The following R3HCC1 variants were observed in gnomAD, a reference collection of about 807,000 sequenced individuals.
R3HCC1 encodes the protein R3H and coiled-coil domain-containing protein 1.
In R3HCC1, 32 loss-of-function variants were observed where a neutral mutation model predicts 40.0. The ratio of observed to expected loss-of-function variants is 0.80; its 90% CI spans 0.60 to 1.07. The LOEUF (loss-of-function observed/expected upper bound fraction) is 1.07, where lower values mean the gene tolerates loss of function less well. Among genes scored for constraint, R3HCC1 ranks in the 50% least tolerant of loss-of-function variants. R3HCC1 has a pLI of 0.00. For synonymous variants in R3HCC1, 237 were observed against 232.8 expected (o/e 1.02, Z -0.17); for missense variants, 586 against 563.3 (o/e 1.04, Z -0.41).
At chr8:23,295,926 G>T in intron 7 of R3HCC1, 41 bp from the exon 8 acceptor site, 2 of 1,518,026 alleles carry the variant, frequency 1.3e-6, no homozygotes, top group South Asian at 2.5e-5. Context: ...AGGCAGCCAC[G>T]ACCTTGTGTT....
rs1308619654 is a variant in R3HCC1, at chr8:23,290,343, G to T, written c.726G>T (p.Leu242=). 6.4e-7 allele frequency: 1 copy of T among 1,551,676 alleles called. No homozygotes were observed. The highest frequency in any genetic ancestry group is 8.7e-7 in the Non-Finnish European group (1 of 1,147,022). Residue 242 remains leucine (L), a synonymous_variant, in exon 4 of 8, where the codon CTG becomes CTT. Transcript: ENST00000265806. ...TTGGGTCCACCCTGCAGCTAGACCT[G>T]GAAAAGGGGAAGGAGAGTCTGTTGG...
At chr8:23,290,581 G>T in intron 4 of R3HCC1, 112 bp downstream of exon 4, 1 of 1,265,462 alleles carries the variant, frequency 7.9e-7, no homozygotes, top group Non-Finnish European at 1.1e-6. Flanking sequence ...GCAAGGGGAG[G>T]TAGGGCTGGG....
At position 23,289,002 on chromosome 8, in the gene R3HCC1, C is replaced by T. The variant is rs576122989; in HGVS notation, c.111-14C>T. 7.4e-5 allele frequency: 113 copies of T among 1,536,266 alleles called. 1 individual carries two copies. The highest frequency in any genetic ancestry group is 4.2e-4 in the African/African-American group (31 of 73,148). The stretch of plus-strand genomic sequence containing the variant: ...CTGGACACCTGCTCAGCACTTCTTC[C>T]CCTCCCTCCCCAGGGTTCTTCTTTT... On this transcript the variant is annotated splice_polypyrimidine_tract_variant and intron_variant, in intron 2 of 7. Coordinates refer to ENST00000265806, the MANE Select transcript of R3HCC1 (RefSeq NM_001136108.3).
intron 4 of R3HCC1, 42 bp from the exon 5 acceptor site, chr8:23,291,319 G>A: frequency 6.5e-7 from 1 of 1,534,462 alleles, no homozygotes; most frequent in Non-Finnish European, 8.8e-7. Flanking sequence ...TGGGAGCTCT[G>A]CGTGTCCAAG....
chr8:23,288,446 G>A, intron 1 of R3HCC1, 60 bp from the exon 2 acceptor site: 1 of 1,522,896 alleles, frequency 6.6e-7, no homozygotes, highest in Non-Finnish European at 8.8e-7. Flanking sequence ...GGCGTTGCGG[G>A]GTCGCGGGAG....
At chr8:23,290,790 C>T (rs964167865) in intron 4 of R3HCC1, among the ~76,000 whole-genome samples, 5 of 152,146 alleles carry the variant, frequency 3.3e-5, no homozygotes, top group Non-Finnish European at 7.4e-5. Context: ...GCAAGTACAT[C>T]GTCTTGTGTT....
intron 5 of R3HCC1, among the ~76,000 whole-genome samples, chr8:23,291,988 T>A (rs1585333685): frequency 6.6e-6 from 1 of 152,220 alleles, no homozygotes; most frequent in East Asian, 1.9e-4. Context: ...GAGGCTGTAT[T>A]GAGAGACACG....
Position 23,290,394 on chromosome 8 carries a change from A to AG in R3HCC1, c.778dup (p.Glu260GlyfsTer21), listed in dbSNP as rs1484959682. On this transcript the variant is annotated frameshift_variant, in exon 4 of 8. Coordinates refer to ENST00000265806, the MANE Select transcript of R3HCC1 (RefSeq NM_001136108.3). LOFTEE classifies it high-confidence loss of function. ...AGAAGAGGCTGGTGGCAGAGGAGGA[A>AG]GAGGACGAAGAGGAGGTGGAAGAGG... 1 of 1,551,678 alleles carries AG rather than the reference A, an allele frequency of 6.4e-7. No homozygotes were observed. Among genetic ancestry groups the AG allele is most frequent in the South Asian group, 1.2e-5 (1 of 84,060 alleles).
chr8:23,289,304 C>T (rs1802808814), intron 3 of R3HCC1, among the ~76,000 whole-genome samples, 151 bp downstream of exon 3: 1 of 152,214 alleles, frequency 6.6e-6, no homozygotes, highest in African/African-American at 2.4e-5. Context: ...GCCAGGGCTG[C>T]CTTTTGCATC....
intron 5 of R3HCC1, 136 bp from the exon 6 acceptor site, chr8:23,293,167 G>C (rs539624786): frequency 1.5e-6 from 1 of 648,438 alleles, no homozygotes; most frequent in Non-Finnish European, 2.7e-6. Flanking sequence ...GATTGTCTCC[G>C]TCCCAGAAGA....
rs1802791836 is a variant in R3HCC1 at position 23,288,618 on chromosome 8, A to G, written c.95A>G (p.Gln32Arg). 1.3e-6 allele frequency: 2 copies of G among 1,536,030 alleles called. No individual in the cohort carries two copies. Among genetic ancestry groups the G allele is most frequent in the Non-Finnish European group, 1.7e-6 (2 of 1,146,860 alleles). ...GAGGAACTGGACCGCTTTCTGCTGC[A>G]GAAGCAGCTGTCAAAGTAGGCTCAT... The change falls in exon 2 of 8, where the codon CAG becomes CGG. Residue 32 changes from glutamine (Q) to arginine (R), a missense_variant. Coordinates refer to ENST00000265806, the MANE Select transcript of R3HCC1 (RefSeq NM_001136108.3).
Position 23,294,766 on chromosome 8 carries a change from C to T in R3HCC1, c.1097-3C>T, listed in dbSNP as rs749678900. Reference sequence around the variant, plus strand: ...TGGCTCCACGCCTGCTTTCTTTCCACAGCTGCGGAAGCCCTGACCCGGGAG... The same window carrying T: ...TGGCTCCACGCCTGCTTTCTTTCCATAGCTGCGGAAGCCCTGACCCGGGAG... On this transcript the variant is annotated splice_polypyrimidine_tract_variant and splice_region_variant and intron_variant, in intron 6 of 7. Transcript: ENST00000265806. The T allele has an allele frequency of 6.4e-7, 1 of 1,550,804 alleles. No individual in the cohort carries two copies. The highest frequency in any genetic ancestry group is 2.0e-5 in the Admixed American group (1 of 50,992).
intron 2 of R3HCC1, 135 bp downstream of exon 2, chr8:23,288,768 C>A: frequency 8.8e-7 from 1 of 1,136,344 alleles, no homozygotes; most frequent in Non-Finnish European, 1.2e-6. Context: ...ACGCCAGCTG[C>A]CTCTTTTAGC....
rs1264171371 is a variant in R3HCC1 at position 23,290,456 on chromosome 8, AGCT to A, written c.845_847del (p.Leu282del). The stretch of plus-strand genomic sequence containing the variant: ...AGCTGCTCGGAGGACGATTACAGTG[AGCT>A]GCTGCAGGAGGTGATGAGGCTCTTG... On this transcript the variant is annotated inframe_deletion, in exon 4 of 8. Coordinates refer to ENST00000265806, the MANE Select transcript of R3HCC1 (RefSeq NM_001136108.3). 1.9e-6 allele frequency: 3 copies of A among 1,549,774 alleles called. No individual in the cohort carries two copies. The highest frequency in any genetic ancestry group is 2.6e-6 in the Non-Finnish European group (3 of 1,146,056).
At chr8:23,288,304 C>T in intron 1 of R3HCC1, 147 bp downstream of exon 1, 3 of 1,107,138 alleles carry the variant, frequency 2.7e-6, no homozygotes, top group Non-Finnish European at 3.7e-6. Flanking sequence ...CATCCGACCG[C>T]AGGCGGGGAC....
rs796248347 is a variant in R3HCC1 at position 23,295,846 on chromosome 8, C to A, written c.1193-121C>A. ...GGCCACACCACGGGCACAGCTGGGC[C>A]GAGGCCCCACATGTGTCACATGAGA... is the stretch of plus-strand genomic sequence containing the variant. On this transcript the variant is annotated intron_variant, in intron 7 of 7. Coordinates refer to ENST00000265806, the MANE Select transcript of R3HCC1 (RefSeq NM_001136108.3). 4 of 1,347,836 alleles carry A rather than the reference C, an allele frequency of 3.0e-6. No individual in the cohort carries two copies. The African/African-American group carries it at 5.9e-5, about 20-fold the overall frequency. The allele number at this position is 1,347,836 out of a possible 1,614,324, so 83.5% of individuals were successfully genotyped here.
rs1226164095 is a variant in R3HCC1 at position 23,290,379 on chromosome 8, G to A, written c.762G>A (p.Leu254=). 17 of 1,551,836 alleles carry A rather than the reference G, an allele frequency of 1.1e-5. No homozygotes were observed. Among genetic ancestry groups the A allele is most frequent in the Middle Eastern group, 3.3e-4 (2 of 5,992 alleles). ...AGGAGAGTCTGTTGGAGAAGAGGCTGGTGGCAGAGGAGGAAGAGGACGAAG... is the reference window on the plus strand; with the variant it reads ...AGGAGAGTCTGTTGGAGAAGAGGCTAGTGGCAGAGGAGGAAGAGGACGAAG... Residue 254 remains leucine (L), a synonymous_variant, in exon 4 of 8, where the codon CTG becomes CTA. Coordinates refer to ENST00000265806, the MANE Select transcript of R3HCC1 (RefSeq NM_001136108.3).
Position 23,290,270 on chromosome 8 carries a change from C to G in R3HCC1, c.653C>G (p.Pro218Arg). ...CCTGTTGGCCCTGAGCCTCTGGGGCCTGAGAGTCAGTCAGGGAAGGGAGAC... is the reference window on the plus strand; with the variant it reads ...CCTGTTGGCCCTGAGCCTCTGGGGCGTGAGAGTCAGTCAGGGAAGGGAGAC... The change falls in exon 4 of 8, where the codon CCT (proline) becomes CGT (arginine). Residue 218 changes from proline (P) to arginine (R), a missense_variant. Pro to Arg is a moderately radical substitution (Grantham distance 103). Coordinates refer to ENST00000265806, the MANE Select transcript of R3HCC1 (RefSeq NM_001136108.3). The G allele has an allele frequency of 1.9e-6, 3 of 1,551,744 alleles. No individual in the cohort carries two copies. The highest frequency in any genetic ancestry group is 2.6e-6 in the Non-Finnish European group (3 of 1,147,012).
intron 6 of R3HCC1, among the ~76,000 whole-genome samples, chr8:23,294,305 A>AAC (rs1802940790): frequency 1.3e-5 from 2 of 152,172 alleles, no homozygotes; most frequent in Non-Finnish European, 2.9e-5. Context: ...TCTTCTGTAG[A>AAC]ACAGTGGGCA....
Sources: gnomAD v4.1 joint callset for allele counts (sites outside exome capture counted in the v4.1 genomes callset) on GRCh38, gnomAD v4.1.1 for gene constraint, MANE v1.5 for transcripts, NCBI Gene and HGNC (gene_info 2026-07-23, HGNC 2026-07-21) for gene names.